The following GLUD1 variants were observed in gnomAD, a reference collection of about 807,000 sequenced individuals.
GLUD1 encodes glutamate dehydrogenase 1, also known as glutamate dehydrogenase 1, mitochondrial.
Under a neutral mutation model 56.0 loss-of-function variants are expected in GLUD1, and 22 were observed. The observed-to-expected ratio is 0.39, with a 90% CI of 0.28 to 0.56. The LOEUF is 0.56. Ranked by LOEUF, GLUD1 falls within the 20% of genes least tolerant of loss-of-function variation. The pLI is 0.58. For synonymous variants in GLUD1, 223 were observed against 269.9 expected (o/e 0.83, Z 1.70); for missense variants, 451 against 732.0 (o/e 0.62, Z 4.43).
chr10:87,067,829 G>T, intron 5 of GLUD1: 2 of 488,234 alleles, frequency 4.1e-6, no homozygotes, highest in Non-Finnish European at 7.6e-6. Flanking sequence ...TTAGCACAGT[G>T]GGCTGCCCTG....
At chr10:87,087,110 C>T (rs1380231794) in intron 1 of GLUD1, among the ~76,000 whole-genome samples, 1 of 152,174 alleles carries the variant, frequency 6.6e-6, no homozygotes, top group Non-Finnish European at 1.5e-5. Flanking sequence ...CCAGGGGGTT[C>T]CCATGGCCCC....
intron 1 of GLUD1, among the ~76,000 whole-genome samples, chr10:87,083,839 G>T (rs150684250): frequency 1.6e-5 from 2 of 127,306 alleles, no homozygotes; most frequent in South Asian, 5.1e-4. Flanking sequence ...ACACACACAC[G>T]CACACACCGC....
chr10:87,083,420 C>CAA (rs1175689483), intron 1 of GLUD1, among the ~76,000 whole-genome samples: 1 of 151,930 alleles, frequency 6.6e-6, no homozygotes, highest in East Asian at 1.9e-4. Context: ...TGAAGTTGTT[C>CAA]AAAAAAGTCA....
At chr10:87,059,045 A>G in intron 10 of GLUD1, 105 bp downstream of exon 10, 1 of 1,289,056 alleles carries the variant, frequency 7.8e-7, no homozygotes, top group Non-Finnish European at 1.1e-6. Flanking sequence ...CTTTTCTGAG[A>G]CTCAATTCTT....
At chr10:87,070,047 C>A (rs1198553792) in intron 4 of GLUD1, among the ~76,000 whole-genome samples, 1 of 152,232 alleles carries the variant, frequency 6.6e-6, no homozygotes, top group Admixed American at 6.5e-5. Context: ...CTTTGTTTAA[C>A]CACTCCTTTT....
intron 12 of GLUD1, 151 bp from the exon 13 acceptor site, chr10:87,052,021 G>C: frequency 1.2e-6 from 1 of 868,144 alleles, no homozygotes; most frequent in East Asian, 2.5e-5. Flanking sequence ...TCTAGCAGCA[G>C]AACCTCTAGG....
intron 1 of GLUD1, among the ~76,000 whole-genome samples, chr10:87,086,802 G>A (rs1841393690): frequency 6.8e-6 from 1 of 146,418 alleles, no homozygotes; most frequent in African/African-American, 2.5e-5. Context: ...CTGCACTCCA[G>A]CCTGGGAGAC....
At chr10:87,081,946 C>CAAAAAAAAAAAAA (rs71019464) in intron 1 of GLUD1, among the ~76,000 whole-genome samples, 7 of 85,656 alleles carry the variant, frequency 8.2e-5, no homozygotes, top group African/African-American at 1.2e-4. Context: ...ATGATCAATA[C>CAAAAAAAAAAAAA]AAAAAAAAAA....
chr10:87,074,503 T>C, intron 4 of GLUD1, 48 bp downstream of exon 4: 3 of 949,954 alleles, frequency 3.2e-6, no homozygotes, highest in Non-Finnish European at 5.0e-6. Flanking sequence ...AAAAAAAAAA[T>C]TTTTAGATGT....
chr10:87,075,830 C>A lies in GLUD1; in HGVS notation c.582+138G>T, dbSNP rs546805007. On this transcript the variant is annotated intron_variant, in intron 3 of 12. Transcript: ENST00000277865. ...CCAGTTACTGGATCAAGGAGAACTG[C>A]TTGAACCCGGGAGGCGGAGGTTGCA... The A allele has an allele frequency of 7.1e-6, 5 of 705,876 alleles. No homozygotes were observed. The Admixed American group carries it at 1.0e-4, about 14-fold the overall frequency. 43.7% of individuals were successfully genotyped at this position (705,876 alleles called of 1,614,324 possible).
intron 4 of GLUD1, among the ~76,000 whole-genome samples, chr10:87,069,375 C>T (rs1846161601): frequency 6.6e-6 from 1 of 151,826 alleles, no homozygotes; most frequent in Non-Finnish European, 1.5e-5. Flanking sequence ...ATTAGCCGGG[C>T]GTGGTGGCAC....
chr10:87,057,619 T>G, intron 11 of GLUD1, 72 bp downstream of exon 11: 1 of 837,690 alleles, frequency 1.2e-6, no homozygotes, highest in Non-Finnish European at 2.1e-6. Context: ...ATGAAATCCA[T>G]CTAACCAGCT....
At chr10:87,064,024 C>A (rs2133803306) in intron 5 of GLUD1, among the ~76,000 whole-genome samples, 1 of 152,116 alleles carries the variant, frequency 6.6e-6, no homozygotes, top group Non-Finnish European at 1.5e-5. Context: ...ACTACAGGCA[C>A]CCACCATCAC....
intron 3 of GLUD1, among the ~76,000 whole-genome samples, chr10:87,075,132 G>GTCTTGC (rs571464386): frequency 8.4e-4 from 128 of 152,230 alleles, no homozygotes; most frequent in African/African-American, 3.0e-3. Context: ...TTGAGACAGA[G>GTCTTGC]TCTTGCTCTG....
rs1173056213 is a variant in GLUD1, at chr10:87,079,951, C to A, written c.446-3295G>T. 2.2e-5 allele frequency among the ~76,000 whole-genome samples: 3 copies of A among 134,062 alleles called. No homozygotes were observed. In the East Asian group the frequency reaches 6.4e-4, roughly 29 times the overall value. The allele number at this position is 134,062 out of a possible 152,430, so 87.9% of individuals were successfully genotyped here. ...CCCCCTCTCCCTCTCCCTCTCCCCA[C>A]GGTCTCCCTCTCCCCACGGTCTCCC... On this transcript the variant is annotated intron_variant, in intron 1 of 12. Coordinates refer to ENST00000277865, the MANE Select transcript of GLUD1 (RefSeq NM_005271.5).
intron 1 of GLUD1, among the ~76,000 whole-genome samples, chr10:87,083,020 C>G (rs1462074734): frequency 2.0e-5 from 3 of 152,106 alleles, no homozygotes; most frequent in Non-Finnish European, 4.4e-5. Flanking sequence ...CTGGGCAGAT[C>G]ACTTGAGGTC....
chr10:87,057,016 A>C (rs1431284525), intron 11 of GLUD1, among the ~76,000 whole-genome samples: 1 of 151,318 alleles, frequency 6.6e-6, no homozygotes, highest in East Asian at 1.9e-4. Flanking sequence ...GCGGGAACGG[A>C]GTATCTCTCT....
intron 6 of GLUD1, 156 bp from the exon 7 acceptor site, chr10:87,061,208 C>T (rs750966414): frequency 3.4e-5 from 27 of 786,280 alleles, no homozygotes; most frequent in Non-Finnish European, 5.2e-5. Flanking sequence ...GGTTTCTCTT[C>T]AACAATAAAA....
chr10:87,078,624 AAAAG>A (rs1490082363), intron 1 of GLUD1, among the ~76,000 whole-genome samples: 1 of 152,228 alleles, frequency 6.6e-6, no homozygotes, highest in Non-Finnish European at 1.5e-5. Context: ...TAAAATTTAA[AAAAG>A]AAAGAAAAGC....
Sources: allele counts gnomAD v4.1 joint callset (sites outside exome capture counted in the v4.1 genomes callset), GRCh38; gene constraint gnomAD v4.1.1; transcripts MANE v1.5; gene names NCBI Gene and HGNC (gene_info 2026-07-23, HGNC 2026-07-21).